The following TP53BP1 variants were observed in gnomAD, a reference collection of about 807,000 sequenced individuals.
TP53BP1 encodes the protein tumor protein p53 binding protein 1.
In TP53BP1, 61 loss-of-function variants were observed where a neutral mutation model predicts 200.8. The observed-to-expected ratio is 0.30, with a 90% CI of 0.25 to 0.38. The LOEUF is 0.38. Ranked by LOEUF, TP53BP1 falls within the 10% of genes least tolerant of loss-of-function variation. The pLI, the probability that TP53BP1 is intolerant of heterozygous loss-of-function variation, is 1.00. For synonymous variants in TP53BP1, 822 were observed against 844.3 expected (o/e 0.97, Z 0.46); for missense variants, 2,144 against 2,371.9 (o/e 0.90, Z 2.00).
At position 43,479,968 on chromosome 15, in the gene TP53BP1, G is replaced by A; in HGVS notation, c.549C>T (p.Ser183=). 2 of 1,614,056 alleles carry A rather than the reference G, an allele frequency of 1.2e-6. No individual in the cohort carries two copies. Among genetic ancestry groups the A allele is most frequent in the Non-Finnish European group, 1.7e-6 (2 of 1,180,016 alleles). ...LGFGVLELSQ[S]QDVEENTVPY... Reference sequence around the variant, plus strand: ...GCACAGTATTTTCCTCAACATCCTGGCTCTGGGAGAGTTCCAGAACCCCAA... The same window carrying A: ...GCACAGTATTTTCCTCAACATCCTGACTCTGGGAGAGTTCCAGAACCCCAA... Residue 183 remains serine, a synonymous_variant, in exon 6 of 28, where the codon AGC becomes AGT. Coordinates refer to ENST00000382044, the MANE Select transcript of TP53BP1 (RefSeq NM_001141980.3).
At chr15:43,445,283 G>A (rs1479212301) in intron 14 of TP53BP1, among the ~76,000 whole-genome samples, 1 of 151,906 alleles carries the variant, frequency 6.6e-6, no homozygotes, top group African/African-American at 2.4e-5. Flanking sequence ...TAATTGCCTC[G>A]CCGAAGTCAA....
At chr15:43,469,066 G>T (rs690446) in intron 11 of TP53BP1, among the ~76,000 whole-genome samples, 1 of 152,082 alleles carries the variant, frequency 6.6e-6, no homozygotes, top group Non-Finnish European at 1.5e-5. Flanking sequence ...AAAATAAGTT[G>T]TCCCAATAAA....
intron 5 of TP53BP1, among the ~76,000 whole-genome samples, chr15:43,480,363 GCT>G (rs2078946080): frequency 2.0e-5 from 3 of 152,222 alleles, no homozygotes; most frequent in Admixed American, 1.3e-4. Context: ...CACAAGAATG[GCT>G]TGAACCCAGG....
At chr15:43,413,369 A>G in intron 23 of TP53BP1, 35 bp from the exon 24 acceptor site, 2 of 1,577,426 alleles carry the variant, frequency 1.3e-6, no homozygotes, top group South Asian at 1.1e-5. Context: ...CTAGAGGGAT[A>G]CACACCATTG....
At chr15:43,454,035 T>C (rs1351845320) in intron 12 of TP53BP1, among the ~76,000 whole-genome samples, 2 of 151,576 alleles carry the variant, frequency 1.3e-5, no homozygotes, top group Admixed American at 1.3e-4. Flanking sequence ...TGAAACCCCG[T>C]CTCTACTAAA....
chr15:43,484,782 ACT>A (rs1173399715), intron 4 of TP53BP1, among the ~76,000 whole-genome samples: 2 of 150,000 alleles, frequency 1.3e-5, no homozygotes, highest in South Asian at 2.1e-4. Context: ...ATATGGTCTC[ACT>A]CTGTTACACA....
At chr15:43,415,851 T>C in intron 22 of TP53BP1, 42 bp from the exon 23 acceptor site, 1 of 1,547,464 alleles carries the variant, frequency 6.5e-7, no homozygotes, top group South Asian at 1.1e-5. Context: ...AACTCTATGG[T>C]ATGAGGCCCT....
In TP53BP1 at chr15:43,487,380, C is replaced by T. The variant is rs149958549; in HGVS notation, c.371+4289G>A. ...TTGCTGGTGGGACTATAAAACAGTA[C>T]GGCCACTCTAGAAAAGTTTGGCAGT... On this transcript the variant is annotated intron_variant, in intron 4 of 27. Transcript: ENST00000382044. 9.2e-5 allele frequency among the ~76,000 whole-genome samples: 14 copies of T among 152,222 alleles called. No homozygotes were observed. The East Asian group carries it at 2.5e-3, about 27-fold the overall frequency.
chr15:43,442,246 C>T (rs1051646190), intron 14 of TP53BP1, among the ~76,000 whole-genome samples: 11 of 151,910 alleles, frequency 7.2e-5, no homozygotes, highest in African/African-American at 1.7e-4. Flanking sequence ...CCACCACGCC[C>T]GGCTAATTTT....
rs1164326665 is a variant in TP53BP1 at position 43,456,908 on chromosome 15, G to A, written c.1700C>T (p.Ala567Val). The A allele has an allele frequency of 7.4e-6, 12 of 1,613,890 alleles. No homozygotes were observed. The highest frequency in any genetic ancestry group is 1.0e-5 in the Non-Finnish European group (12 of 1,180,046). Residue 567 changes from alanine to valine, a missense_variant, in exon 12 of 28, where the codon GCT becomes GTT. By Grantham distance (64) the Ala-to-Val change is moderately conservative (BLOSUM62 0). Coordinates refer to ENST00000382044, the MANE Select transcript of TP53BP1 (RefSeq NM_001141980.3). ...SPVLNSKFVP[A>V]ENDSILMNPA... is the part of the protein sequence containing the mutation. ...ATTCATCAGGATACTATCATTTTCAGCAGGAACAAATTTAGAATTGAGAAC... is the reference window on the plus strand; with the variant it reads ...ATTCATCAGGATACTATCATTTTCAACAGGAACAAATTTAGAATTGAGAAC...
chr15:43,484,530 T>C (rs2079018729), intron 4 of TP53BP1, among the ~76,000 whole-genome samples: 1 of 152,156 alleles, frequency 6.6e-6, no homozygotes, highest in South Asian at 2.1e-4. Flanking sequence ...TCACTAAAAA[T>C]AAGAGCCAAA....
At chr15:43,454,395 C>G (rs2046244281) in intron 12 of TP53BP1, among the ~76,000 whole-genome samples, 1 of 150,270 alleles carries the variant, frequency 6.7e-6, no homozygotes, top group Non-Finnish European at 1.5e-5. Context: ...CAGAGTTTCA[C>G]TCTTGTTGCC....
intron 16 of TP53BP1, among the ~76,000 whole-genome samples, chr15:43,435,017 T>C (rs1157773025): frequency 1.3e-5 from 2 of 152,074 alleles, no homozygotes; most frequent in East Asian, 1.9e-4. Context: ...TCCCAGCACT[T>C]TGGGAAGCCA....
intron 4 of TP53BP1, 127 bp downstream of exon 4, chr15:43,491,542 C>T (rs2079122702): frequency 2.6e-6 from 2 of 772,368 alleles, no homozygotes; most frequent in South Asian, 2.9e-5. Context: ...TAATACAACC[C>T]TCAAGTCCCA....
intron 10 of TP53BP1, among the ~76,000 whole-genome samples, chr15:43,471,350 G>A (rs1277997012): frequency 6.6e-6 from 1 of 151,936 alleles, no homozygotes; most frequent in East Asian, 1.9e-4. Flanking sequence ...AGTATCACAG[G>A]TGATTTTTAT....
chr15:43,447,228 C>G, intron 13 of TP53BP1, 138 bp downstream of exon 13: 1 of 835,848 alleles, frequency 1.2e-6, no homozygotes, highest in Non-Finnish European at 1.8e-6. Flanking sequence ...CAGAACCAGA[C>G]TTCATAACCC....
intron 16 of TP53BP1, among the ~76,000 whole-genome samples, chr15:43,435,267 CAAAAAAAAA>C (rs377275791): frequency 1.8e-4 from 10 of 55,684 alleles, no homozygotes; most frequent in African/African-American, 6.8e-4. Flanking sequence ...GACCCCATCT[CAAAAAAAAA>C]AAAAAAAAAA....
chr15:43,502,942 G>A (rs933327170), intron 1 of TP53BP1, among the ~76,000 whole-genome samples: 6 of 151,936 alleles, frequency 3.9e-5, no homozygotes, highest in African/African-American at 1.2e-4. Context: ...TAGTAGAGAC[G>A]GGGTTTTGCC....
At chr15:43,458,458 T>C (rs555797451) in intron 11 of TP53BP1, among the ~76,000 whole-genome samples, 9 of 147,308 alleles carry the variant, frequency 6.1e-5, no homozygotes, top group African/African-American at 2.2e-4. Context: ...AGCAAACTAA[T>C]GTTAAAATAG....
Sources: gnomAD v4.1 joint callset for allele counts (sites outside exome capture counted in the v4.1 genomes callset) on GRCh38, gnomAD v4.1.1 for gene constraint, MANE v1.5 for transcripts, NCBI Gene and HGNC (gene_info 2026-07-23, HGNC 2026-07-21) for gene names.